CLYBL: variants seen among roughly 807,000 people sequenced by gnomAD.
CLYBL encodes citramalyl-CoA lyase, mitochondrial.
CLYBL carries 31 observed loss-of-function variants against 38.9 expected under a neutral mutation model. The observed-to-expected ratio is 0.80, with a 90% CI of 0.60 to 1.08. CLYBL has a LOEUF of 1.08. CLYBL is among the 50% of genes least tolerant of loss of function. The probability of loss-of-function intolerance (pLI) is 0.00; values close to 1 mark genes in which losing one functional copy is unlikely to be tolerated. For missense variants in CLYBL, 434 were observed against 411.6 expected, an observed-to-expected ratio of 1.05 and a Z score of -0.47; for synonymous variants, 171 against 158.6, an observed-to-expected ratio of 1.08 and a Z score of -0.59.
intron 1 of CLYBL, among the ~76,000 whole-genome samples, chr13:99,651,033 T>C (rs576721199): frequency 6.6e-6 from 1 of 152,326 alleles, no homozygotes; most frequent in South Asian, 2.1e-4. Flanking sequence ...TACAGAGCCC[T>C]CCTCTCATCT....
At chr13:99,827,031 T>C (rs2050708839) in intron 2 of CLYBL, among the ~76,000 whole-genome samples, 2 of 152,358 alleles carry the variant, frequency 1.3e-5, no homozygotes, top group South Asian at 4.1e-4. Context: ...GTTTAAGTTA[T>C]TATTTTTATC....
intron 7 of CLYBL, among the ~76,000 whole-genome samples, chr13:99,875,331 TAAAG>T (rs1399252639): frequency 3.3e-5 from 5 of 152,108 alleles, no homozygotes; most frequent in Non-Finnish European, 7.4e-5. Flanking sequence ...CATCTCTTAA[TAAAG>T]AAAGAAAAAG....
chr13:99,625,687 A>G (rs1490982376), intron 1 of CLYBL, among the ~76,000 whole-genome samples: 1 of 152,232 alleles, frequency 6.6e-6, no homozygotes, highest in African/African-American at 2.4e-5. Context: ...ATTTTTTGTA[A>G]CAGAAAATTC....
At chr13:99,832,723 GC>G (rs2050830431) in intron 2 of CLYBL, among the ~76,000 whole-genome samples, 1 of 151,860 alleles carries the variant, frequency 6.6e-6, no homozygotes, top group Admixed American at 6.6e-5. Context: ...TAGGAACTTG[GC>G]TTTCATATTA....
intron 1 of CLYBL, among the ~76,000 whole-genome samples, chr13:99,751,639 G>T (rs921533859): frequency 6.6e-6 from 1 of 152,218 alleles, no homozygotes; most frequent in Admixed American, 6.5e-5. Flanking sequence ...AAGTCAAATG[G>T]CGGTTGCCAA....
chr13:99,658,055 C>T (rs2047354181), intron 1 of CLYBL, among the ~76,000 whole-genome samples: 1 of 152,190 alleles, frequency 6.6e-6, no homozygotes, highest in Non-Finnish European at 1.5e-5. Context: ...CCGCTGGTGC[C>T]GCGGTCCCTC....
At chr13:99,873,389 C>A (rs2051958675) in intron 7 of CLYBL, among the ~76,000 whole-genome samples, 1 of 152,142 alleles carries the variant, frequency 6.6e-6, no homozygotes, top group Non-Finnish European at 1.5e-5. Context: ...TGTTTTATGT[C>A]AAATGTGAAT....
intron 2 of CLYBL, among the ~76,000 whole-genome samples, chr13:99,814,722 T>C (rs763622369): frequency 2.6e-3 from 338 of 130,002 alleles, no homozygotes; most frequent in Non-Finnish European, 3.8e-3. Flanking sequence ...AACAAGACCC[T>C]GTCTCAGAAA....
intron 2 of CLYBL, among the ~76,000 whole-genome samples, chr13:99,792,588 G>GCCCCA (rs1419258536): frequency 7.1e-6 from 1 of 141,284 alleles, no homozygotes; most frequent in Non-Finnish European, 1.5e-5. Context: ...CCCACCCTAC[G>GCCCCA]CCCCACCCCT....
At chr13:99,685,673 T>G (rs2047806267) in intron 1 of CLYBL, among the ~76,000 whole-genome samples, 1 of 152,094 alleles carries the variant, frequency 6.6e-6, no homozygotes, top group Non-Finnish European at 1.5e-5. Flanking sequence ...CTCAAGAACC[T>G]CTTAGAGGCC....
intron 1 of CLYBL, among the ~76,000 whole-genome samples, chr13:99,623,815 C>G (rs559087170): frequency 3.0e-4 from 46 of 151,954 alleles, no homozygotes; most frequent in Admixed American, 1.6e-3. Flanking sequence ...AAAAATTAGC[C>G]GGGCATGGTG....
rs757030570 is a variant in CLYBL at position 99,865,737 on chromosome 13, C to T, written c.635-503C>T. ...CCAGCCCTCTCAAAACAAGTGCCCT[C>T]CCGTCTCCCCAAGTTCTCCATCCAG... On this transcript the variant is annotated intron_variant, in intron 5 of 8. Coordinates refer to ENST00000339105, the MANE Select transcript of CLYBL (RefSeq NM_206808.5). This position sits in a 1 kb window ranked among gnomAD's most constrained non-coding sequence, Gnocchi z 4.7. 2.0e-5 allele frequency among the ~76,000 whole-genome samples: 3 copies of T among 152,232 alleles called. No homozygotes were observed. The highest frequency in any genetic ancestry group is 4.4e-5 in the Non-Finnish European group (3 of 68,046).
chr13:99,701,799 C>T (rs1219320291), intron 1 of CLYBL, among the ~76,000 whole-genome samples: 2 of 152,108 alleles, frequency 1.3e-5, no homozygotes, highest in Admixed American at 6.6e-5. Context: ...CTCAGCTTCC[C>T]GAATAGCTGG....
intron 1 of CLYBL, among the ~76,000 whole-genome samples, chr13:99,675,172 A>C (rs1387409838): frequency 6.6e-6 from 1 of 152,204 alleles, no homozygotes; most frequent in Admixed American, 6.5e-5. Flanking sequence ...CTTCAGGGGC[A>C]GACAATATTT....
At chr13:99,816,989 G>T (rs936628731) in intron 2 of CLYBL, among the ~76,000 whole-genome samples, 2 of 152,134 alleles carry the variant, frequency 1.3e-5, no homozygotes, top group African/African-American at 2.4e-5. Context: ...GCCTGACAAA[G>T]ATGCGAATGA....
chr13:99,797,080 A>G (rs917586700), intron 2 of CLYBL, among the ~76,000 whole-genome samples: 4 of 152,204 alleles, frequency 2.6e-5, no homozygotes, highest in Non-Finnish European at 5.9e-5. Flanking sequence ...TTCAACATTG[A>G]TAGAAGCACC....
Position 99,687,470 on chromosome 13 carries a change from T to C in CLYBL, c.62+80713T>C, listed in dbSNP as rs116051135. ...GACCCATAGCTAGTCAGCATCGGAC[T>C]GAGGGCTGGATCCACTTTTTCCTGT... On this transcript the variant is annotated intron_variant, in intron 1 of 8. Transcript: ENST00000339105. Among the ~76,000 whole-genome samples the C allele has an allele frequency of 3.3e-3, 501 of 152,306 alleles. 2 individuals are homozygous for C. The highest frequency in any genetic ancestry group is 0.011 in the African/African-American group (473 of 41,576).
chr13:99,688,487 A>G (rs529818041), intron 1 of CLYBL, among the ~76,000 whole-genome samples: 83 of 152,326 alleles, frequency 5.4e-4, no homozygotes, highest in Admixed American at 1.6e-3. Context: ...CCAATATGTC[A>G]TTAAAATAAT....
At chr13:99,767,979 A>G (rs1323493769) in intron 1 of CLYBL, among the ~76,000 whole-genome samples, 2 of 151,966 alleles carry the variant, frequency 1.3e-5, no homozygotes, top group African/African-American at 4.8e-5. Flanking sequence ...TGACTGGGCC[A>G]TATTTTCATC....
Sources: allele counts gnomAD v4.1 joint callset (sites outside exome capture counted in the v4.1 genomes callset), GRCh38; gene constraint gnomAD v4.1.1; non-coding constraint Gnocchi (gnomAD v3.1); transcripts MANE v1.5; gene names NCBI Gene and HGNC (gene_info 2026-07-23, HGNC 2026-07-21).